The following GPC5 variants were observed in gnomAD, a reference collection of about 807,000 sequenced individuals.
GPC5 encodes the protein glypican-5.
GPC5 carries 47 observed loss-of-function variants against 53.9 expected under a neutral mutation model. The observed-to-expected ratio is 0.87, with a 90% CI of 0.69 to 1.11. The LOEUF is 1.11. Among genes scored for constraint, GPC5 ranks in the 50% most tolerant of loss-of-function variants. The probability of loss-of-function intolerance (pLI) is 0.00; values close to 1 mark genes in which losing one functional copy is unlikely to be tolerated. For synonymous variants in GPC5, 286 were observed against 263.3 expected, an observed-to-expected ratio of 1.09 and a Z score of -0.84; for missense variants, 748 against 713.1, an observed-to-expected ratio of 1.05 and a Z score of -0.56.
At chr13:92,632,510 A>G (rs1451547953) in intron 7 of GPC5, among the ~76,000 whole-genome samples, 3 of 148,922 alleles carry the variant, frequency 2.0e-5, no homozygotes, top group East Asian at 3.9e-4. Flanking sequence ...GCACACACAC[A>G]TATACATACA....
intron 1 of GPC5, among the ~76,000 whole-genome samples, chr13:91,425,595 G>T (rs1272369007): frequency 6.6e-6 from 1 of 152,120 alleles, no homozygotes; most frequent in African/African-American, 2.4e-5. Flanking sequence ...ATGATTGTAA[G>T]TTTCCTGAGG....
intron 7 of GPC5, among the ~76,000 whole-genome samples, chr13:92,682,730 G>T (rs1887146940): frequency 1.3e-5 from 2 of 152,034 alleles, no homozygotes. Context: ...ATCGGACACG[G>T]GTTGTATACA....
intron 7 of GPC5, among the ~76,000 whole-genome samples, chr13:92,281,143 C>T (rs1057478232): frequency 1.3e-5 from 2 of 152,160 alleles, no homozygotes; most frequent in East Asian, 1.9e-4. Context: ...CGGAGCCTCG[C>T]TCATTGCTAG....
rs1267679169 is a variant in GPC5, at chr13:91,399,164, C to A, written c.118C>A (p.Arg40=). The A allele has an allele frequency of 1.2e-6, 2 of 1,612,924 alleles. No homozygotes were observed. The highest frequency in any genetic ancestry group is 2.2e-5 in the East Asian group (1 of 44,846). The change falls in exon 1 of 8, where the codon CGG becomes AGG. Residue 40 remains arginine, a synonymous_variant. Transcript: ENST00000377067. Reference sequence around the variant, plus strand: ...AGAAGTTCGGAAACTTTTCCAGTGGCGGCTGCTGGGAGCTGTCAGGGGGCT... The same window carrying A: ...AGAAGTTCGGAAACTTTTCCAGTGGAGGCTGCTGGGAGCTGTCAGGGGGCT... ...CEEVRKLFQW[R]LLGAVRGLPD...
chr13:91,424,212 T>C (rs1241841356), intron 1 of GPC5, among the ~76,000 whole-genome samples: 1 of 152,020 alleles, frequency 6.6e-6, no homozygotes, highest in Non-Finnish European at 1.5e-5. Context: ...AGCAGGTTTC[T>C]GAGGATTTAC....
In GPC5 at chr13:91,990,148, TAA is replaced by T. The variant is rs571628111; in HGVS notation, c.1401+82092_1401+82093del. 4.2e-4 allele frequency among the ~76,000 whole-genome samples: 64 copies of T among 152,346 alleles called. 1 individual carries two copies. Among genetic ancestry groups the T allele is most frequent in the African/African-American group, 1.5e-3 (63 of 41,588 alleles). ...TATTATGATTTTTAGTGTTCTGGAA[TAA>T]GTCTATTTTTATAGCTATTTTCACA... On this transcript the variant is annotated intron_variant, in intron 6 of 7. Transcript: ENST00000377067.
At chr13:92,702,714 G>A (rs138114026) in intron 7 of GPC5, among the ~76,000 whole-genome samples, 16 of 152,128 alleles carry the variant, frequency 1.1e-4, no homozygotes, top group African/African-American at 3.6e-4. Flanking sequence ...CAACAGGGCA[G>A]CCACAGTTAT....
chr13:92,826,597 G>A (rs1238121834), intron 7 of GPC5, among the ~76,000 whole-genome samples: 2 of 152,024 alleles, frequency 1.3e-5, no homozygotes, highest in Non-Finnish European at 2.9e-5. Context: ...ATATCCTGTT[G>A]GAAATGTTTG....
At chr13:91,945,769 T>A (rs1045503030) in intron 6 of GPC5, among the ~76,000 whole-genome samples, 1 of 152,152 alleles carries the variant, frequency 6.6e-6, no homozygotes, top group Non-Finnish European at 1.5e-5. Flanking sequence ...CCAAAATGGT[T>A]TGGGACAATT....
intron 3 of GPC5, among the ~76,000 whole-genome samples, chr13:91,701,751 A>C (rs1200100628): frequency 6.6e-6 from 1 of 152,102 alleles, no homozygotes; most frequent in Non-Finnish European, 1.5e-5. Context: ...CTGCTGCAAT[A>C]AACATGGGAG....
intron 7 of GPC5, among the ~76,000 whole-genome samples, chr13:92,792,314 T>G (rs974846192): frequency 6.6e-6 from 1 of 152,090 alleles, no homozygotes; most frequent in Admixed American, 6.6e-5. Flanking sequence ...TCAAGCTTCA[T>G]AAGTGAAGGA....
At chr13:91,490,453 A>G (rs1163340873) in intron 2 of GPC5, among the ~76,000 whole-genome samples, 1 of 152,160 alleles carries the variant, frequency 6.6e-6, no homozygotes, top group Non-Finnish European at 1.5e-5. Context: ...GCATTCTCTT[A>G]GGGTTTTAAG....
At chr13:92,513,579 T>C (rs989866996) in intron 7 of GPC5, among the ~76,000 whole-genome samples, 1 of 151,080 alleles carries the variant, frequency 6.6e-6, no homozygotes, top group East Asian at 2.0e-4. Context: ...TTTCCTTTTT[T>C]CTTTCCTTTC....
intron 3 of GPC5, among the ~76,000 whole-genome samples, chr13:91,719,377 A>T (rs1180951395): frequency 6.6e-6 from 1 of 152,208 alleles, no homozygotes; most frequent in Non-Finnish European, 1.5e-5. Context: ...TTTCCTGTTT[A>T]TACCAGTGAC....
chr13:92,455,910 G>T (rs1878247339), intron 7 of GPC5, among the ~76,000 whole-genome samples: 2 of 152,168 alleles, frequency 1.3e-5, no homozygotes, highest in African/African-American at 4.8e-5. Flanking sequence ...TTTGGAGGGT[G>T]AGTAAACTTC....
intron 7 of GPC5, among the ~76,000 whole-genome samples, chr13:92,774,889 A>G (rs540341725): frequency 1.3e-5 from 2 of 152,178 alleles, no homozygotes; most frequent in African/African-American, 4.8e-5. Flanking sequence ...TTTGTTTAAC[A>G]TACTAAAAAA....
At chr13:92,738,788 G>C (rs918219770) in intron 7 of GPC5, among the ~76,000 whole-genome samples, 1 of 152,016 alleles carries the variant, frequency 6.6e-6, no homozygotes, top group Non-Finnish European at 1.5e-5. Context: ...CGTGAAAAAG[G>C]TTTACATGGT....
intron 7 of GPC5, among the ~76,000 whole-genome samples, chr13:92,536,202 T>C (rs1881716918): frequency 6.6e-6 from 1 of 152,144 alleles, no homozygotes; most frequent in South Asian, 2.1e-4. Context: ...GAATGCAACA[T>C]TTTTAAAATC....
chr13:91,587,674 A>T (rs2032649417), intron 2 of GPC5, among the ~76,000 whole-genome samples: 1 of 152,122 alleles, frequency 6.6e-6, no homozygotes, highest in Admixed American at 6.6e-5. Context: ...ATGTTTTGAA[A>T]TATCATTTTA....
Sources: gnomAD v4.1 joint callset for allele counts (sites outside exome capture counted in the v4.1 genomes callset) on GRCh38, gnomAD v4.1.1 for gene constraint, MANE v1.5 for transcripts, NCBI Gene and HGNC (gene_info 2026-07-23, HGNC 2026-07-21) for gene names.